ADGRB3: variants seen among roughly 807,000 people sequenced by gnomAD.
The protein encoded by ADGRB3 is brain-specific angiogenesis inhibitor 3.
Under a neutral mutation model 193.4 loss-of-function variants are expected in ADGRB3, and 37 were observed. That is an observed-to-expected ratio of 0.19 (90% confidence interval 0.15 to 0.25). ADGRB3 has a LOEUF of 0.25. ADGRB3 is among the 10% of genes least tolerant of loss of function. The pLI, the probability that ADGRB3 is intolerant of heterozygous loss-of-function variation, is 1.00. For synonymous variants in ADGRB3, 690 were observed against 644.2 expected, an observed-to-expected ratio of 1.07 and a Z score of -1.08; for missense variants, 1,637 against 1,852.9, an observed-to-expected ratio of 0.88 and a Z score of 2.14.
intron 5 of ADGRB3, 100 bp from the exon 6 acceptor site, chr6:68,943,730 A>T: frequency 1.0e-6 from 1 of 968,982 alleles, no homozygotes; most frequent in Non-Finnish European, 1.5e-6. Flanking sequence ...ATATCTTTAC[A>T]TTTGTCTATT....
At chr6:69,017,181 G>A (rs951263299) in intron 12 of ADGRB3, among the ~76,000 whole-genome samples, 1 of 151,906 alleles carries the variant, frequency 6.6e-6, no homozygotes, top group Non-Finnish European at 1.5e-5. Flanking sequence ...ATATACTGTA[G>A]ATACTGCCTG....
At chr6:68,946,979 T>C (rs1035590144) in intron 6 of ADGRB3, among the ~76,000 whole-genome samples, 3 of 152,088 alleles carry the variant, frequency 2.0e-5, no homozygotes, top group Admixed American at 2.0e-4. Flanking sequence ...CCACTTCTTT[T>C]GAGGTGAGAG....
At chr6:68,985,062 G>T (rs1769030925) in intron 10 of ADGRB3, among the ~76,000 whole-genome samples, 1 of 151,138 alleles carries the variant, frequency 6.6e-6, no homozygotes, top group East Asian at 2.1e-4. Context: ...TTAGCAGGCT[G>T]CATTGTACAA....
chr6:69,255,818 A>G (rs375975630), intron 20 of ADGRB3, among the ~76,000 whole-genome samples: 1 of 152,152 alleles, frequency 6.6e-6, no homozygotes, highest in Non-Finnish European at 1.5e-5. Context: ...TTTTCTTCTA[A>G]GGTTTTTATG....
In ADGRB3 at chr6:68,869,805, C is replaced by T. The variant is rs191283083; in HGVS notation, c.758-60754C>T. Among the ~76,000 whole-genome samples, 209 of 152,090 alleles carry T rather than the reference C, an allele frequency of 1.4e-3. 1 individual carries two copies. The highest frequency in any genetic ancestry group is 4.9e-3 in the African/African-American group (205 of 41,516). On this transcript the variant is annotated intron_variant, in intron 3 of 31. Transcript: ENST00000370598. Reference sequence around the variant, plus strand: ...GGTGGCGGGGAGACAGAGTCTCACTCGCTCACTCGGTCACCCAGGCTGGAG... The same window carrying T: ...GGTGGCGGGGAGACAGAGTCTCACTTGCTCACTCGGTCACCCAGGCTGGAG...
chr6:68,950,949 C>T (rs1932616), intron 6 of ADGRB3, among the ~76,000 whole-genome samples: 26,594 of 152,070 alleles, frequency 0.17, 3,205 homozygotes, highest in East Asian at 0.56. Flanking sequence ...TTTGCATCTT[C>T]CCTGGTCGCA....
chr6:68,677,553 T>C (rs1236869735), intron 3 of ADGRB3, among the ~76,000 whole-genome samples: 1 of 147,208 alleles, frequency 6.8e-6, no homozygotes, highest in East Asian at 2.0e-4. Context: ...GGTCTCACTC[T>C]GTTGTTCAAG....
At chr6:69,334,315 C>G (rs940620424) in intron 24 of ADGRB3, among the ~76,000 whole-genome samples, 4 of 151,962 alleles carry the variant, frequency 2.6e-5, no homozygotes, top group African/African-American at 9.7e-5. Flanking sequence ...TTCTTATAAC[C>G]TATGTAATGA....
intron 3 of ADGRB3, among the ~76,000 whole-genome samples, chr6:68,868,465 T>C (rs566633331): frequency 6.6e-6 from 1 of 152,350 alleles, no homozygotes; most frequent in South Asian, 2.1e-4. Context: ...ATGTAACATG[T>C]TGTTATCTTT....
At chr6:68,987,860 T>C (rs1769124820) in intron 10 of ADGRB3, among the ~76,000 whole-genome samples, 2 of 152,194 alleles carry the variant, frequency 1.3e-5, no homozygotes, top group Non-Finnish European at 2.9e-5. Context: ...GTTATTATTT[T>C]CTAAAGGTAG....
intron 19 of ADGRB3, among the ~76,000 whole-genome samples, chr6:69,237,079 T>C (rs1766280277): frequency 6.6e-6 from 1 of 152,008 alleles, no homozygotes; most frequent in Admixed American, 6.6e-5. Context: ...TATAAGCGCC[T>C]ACAGAAACAC....
intron 3 of ADGRB3, among the ~76,000 whole-genome samples, chr6:68,643,929 C>T (rs767935005): frequency 5.3e-5 from 7 of 132,830 alleles, no homozygotes; most frequent in Non-Finnish European, 1.1e-4. Context: ...AAGACTCTAT[C>T]AGAAAAAAAA....
At chr6:69,388,557 T>A in intron 31 of ADGRB3, 146 bp from the exon 32 acceptor site, 2 of 719,494 alleles carry the variant, frequency 2.8e-6, no homozygotes, top group Non-Finnish European at 4.5e-6. Context: ...ATCAAAACTA[T>A]TTCCCACAGT....
chr6:69,110,523 T>C (rs1424042537), intron 17 of ADGRB3, among the ~76,000 whole-genome samples: 3 of 152,202 alleles, frequency 2.0e-5, no homozygotes, highest in Non-Finnish European at 4.4e-5. Context: ...TAAAATGTCA[T>C]TAATTGTTAT....
At chr6:69,111,827 A>C (rs1773374693) in intron 17 of ADGRB3, among the ~76,000 whole-genome samples, 1 of 152,208 alleles carries the variant, frequency 6.6e-6, no homozygotes, top group Non-Finnish European at 1.5e-5. Flanking sequence ...GCTTAAAAAA[A>C]CCCTTCTATG....
chr6:69,175,119 C>T (rs989422073), intron 17 of ADGRB3, among the ~76,000 whole-genome samples: 6 of 152,084 alleles, frequency 3.9e-5, no homozygotes, highest in Non-Finnish European at 7.4e-5. Flanking sequence ...TTAATTAGAA[C>T]TCACTTGTCA....
chr6:68,645,014 CAGA>C (rs1254825104), intron 3 of ADGRB3, among the ~76,000 whole-genome samples: 2 of 152,120 alleles, frequency 1.3e-5, no homozygotes, highest in African/African-American at 4.8e-5. Context: ...CCTTTCCTGA[CAGA>C]AGCAATTTTA....
intron 29 of ADGRB3, among the ~76,000 whole-genome samples, chr6:69,369,945 G>A (rs1012489302): frequency 6.6e-6 from 1 of 152,016 alleles, no homozygotes; most frequent in African/African-American, 2.4e-5. Flanking sequence ...GTCAGACTTG[G>A]ACTGACTGGC....
At chr6:68,774,240 C>G (rs1562024028) in intron 3 of ADGRB3, among the ~76,000 whole-genome samples, 1 of 151,518 alleles carries the variant, frequency 6.6e-6, no homozygotes, top group Non-Finnish European at 1.5e-5. Context: ...ATTATCAAGT[C>G]TTTGGTTCTA....
Sources: gnomAD v4.1 joint callset for allele counts (sites outside exome capture counted in the v4.1 genomes callset) on GRCh38, gnomAD v4.1.1 for gene constraint, MANE v1.5 for transcripts, NCBI Gene and HGNC (gene_info 2026-07-23, HGNC 2026-07-21) for gene names.